The following CASP8 variants were observed in gnomAD, a reference collection of about 807,000 sequenced individuals.
The protein encoded by CASP8 is caspase 8.
A neutral mutation model predicts 46.3 loss-of-function variants in CASP8; 24 were observed. That is an observed-to-expected ratio of 0.52 (90% CI 0.38 to 0.73). The LOEUF is 0.73. Among genes scored for constraint, CASP8 ranks in the 30% least tolerant of loss-of-function variants. The probability of loss-of-function intolerance (pLI) is 0.00; values close to 1 mark genes in which losing one functional copy is unlikely to be tolerated. For synonymous variants in CASP8, 188 were observed against 200.4 expected (o/e 0.94, Z 0.52); for missense variants, 460 against 559.0 (o/e 0.82, Z 1.79).
chr2:201,283,698 C>T (rs1264840834), intron 7 of CASP8, among the ~76,000 whole-genome samples: 1 of 92,334 alleles, frequency 1.1e-5, no homozygotes, highest in Non-Finnish European at 2.7e-5. Flanking sequence ...CCACCCCCCC[C>T]CGCCTCCCTC....
Position 201,272,932 on chromosome 2 carries a change from A to AT in CASP8, c.589dup (p.Ser197PhefsTer21). 6.2e-7 allele frequency: 1 copy of AT among 1,613,926 alleles called. No homozygotes were observed. The highest frequency in any genetic ancestry group is 8.5e-7 in the Non-Finnish European group (1 of 1,179,850). The stretch of plus-strand genomic sequence containing the variant: ...GCAGCCTTGAAGGAAGTCCTGATGA[A>AT]TTTTCAAATGGTAATGCTTGGAGAT... On this transcript the variant is annotated frameshift_variant, in exon 5 of 9. Coordinates refer to ENST00000673742, the MANE Select transcript of CASP8 (RefSeq NM_001372051.1). LOFTEE classifies it high-confidence loss of function. This position sits in a 1 kb window ranked among gnomAD's most constrained non-coding sequence, Gnocchi z 4.4.
chr2:201,277,307 C>T (rs1948699056), intron 7 of CASP8, among the ~76,000 whole-genome samples: 1 of 152,118 alleles, frequency 6.6e-6, no homozygotes, highest in South Asian at 2.1e-4. Flanking sequence ...GCTGTGGTAT[C>T]AAAGTTCTTA....
At chr2:201,249,519 C>G (rs1311822442) in intron 2 of CASP8, among the ~76,000 whole-genome samples, 1 of 152,224 alleles carries the variant, frequency 6.6e-6, no homozygotes, top group Non-Finnish European at 1.5e-5. Context: ...ATCTGCGTAT[C>G]TTTTTGTGAG....
intron 2 of CASP8, among the ~76,000 whole-genome samples, chr2:201,235,811 A>G (rs569136854): frequency 6.6e-6 from 1 of 152,228 alleles, no homozygotes; most frequent in Non-Finnish European, 1.5e-5. Flanking sequence ...TCATAAGATT[A>G]TAATACGGTA....
At chr2:201,255,546 G>A (rs1255352393), upstream of CASP8, among the ~76,000 whole-genome samples, 1 of 152,142 alleles carries the variant, frequency 6.6e-6, no homozygotes, top group African/African-American at 2.4e-5. Flanking sequence ...TTTCTGCTAG[G>A]CTGGGCCTGG....
Position 201,274,847 on chromosome 2 carries a change from C to T in CASP8, c.596-42C>T, listed in dbSNP as rs369771634. 4.3e-5 allele frequency: 62 copies of T among 1,451,946 alleles called. No individual in the cohort carries two copies. The Middle Eastern group carries it at 1.4e-3, about 32-fold the overall frequency. 89.9% of individuals were successfully genotyped at this position (1,451,946 alleles called of 1,614,324 possible). On this transcript the variant is annotated intron_variant, in intron 5 of 8. Coordinates refer to ENST00000673742, the MANE Select transcript of CASP8 (RefSeq NM_001372051.1). ...ATATTTCATTACCAGTGTACCTTTC[C>T]TGCCATGTCTCATTCTAGATGTGTC...
intron 7 of CASP8, among the ~76,000 whole-genome samples, chr2:201,279,027 G>A (rs1948830149): frequency 6.6e-6 from 1 of 152,134 alleles, no homozygotes; most frequent in Non-Finnish European, 1.5e-5. Context: ...AACAGAGAAA[G>A]CTACAACCTC....
chr2:201,275,251 G>A (rs575215976), intron 6 of CASP8, among the ~76,000 whole-genome samples: 5 of 152,010 alleles, frequency 3.3e-5, no homozygotes, highest in Non-Finnish European at 7.4e-5. Flanking sequence ...TCTAGCAGCC[G>A]TGCCAGCCTG....
chr2:201,283,743 TCACTTCCCAGTAGGGGC>T (rs1174721232), intron 7 of CASP8, among the ~76,000 whole-genome samples: 45 of 65,812 alleles, frequency 6.8e-4, no homozygotes, highest in South Asian at 2.2e-3. Flanking sequence ...GAGGGGCTCC[TCACTTCCCAGTAGGGGC>T]GGCCGGGCAG....
intron 2 of CASP8, among the ~76,000 whole-genome samples, chr2:201,268,349 A>G (rs1393451182): frequency 6.6e-6 from 1 of 151,938 alleles, no homozygotes; most frequent in Non-Finnish European, 1.5e-5. Flanking sequence ...TCAGGAGTTC[A>G]AGACTAGCCT....
intron 2 of CASP8, chr2:201,269,586 G>A: frequency 6.2e-7 from 1 of 1,612,892 alleles, no homozygotes; most frequent in Middle Eastern, 1.7e-4. Flanking sequence ...CTGGCGGAGG[G>A]TCGATCATCT....
intron 2 of CASP8, among the ~76,000 whole-genome samples, chr2:201,253,413 A>G (rs1042354988): frequency 6.8e-5 from 10 of 146,486 alleles, no homozygotes; most frequent in Non-Finnish European, 1.3e-4. Flanking sequence ...CGTTTCTTCA[A>G]CGTCTTCCTG....
rs74869243 is a variant in CASP8 at position 201,275,196 on chromosome 2, G to C, written c.660+243G>C. Among the ~76,000 whole-genome samples the C allele has an allele frequency of 2.2e-4, 33 of 152,218 alleles. No homozygotes were observed. The East Asian group carries it at 6.0e-3, about 28-fold the overall frequency. On this transcript the variant is annotated intron_variant, in intron 6 of 8. Transcript: ENST00000673742. ...TTTAAGACCCGAGATGAAGATACTG[G>C]AATAGTTGGAGGGTGGAGGGGGTAA...
At chr2:201,251,778 G>A (rs1035604301) in intron 2 of CASP8, among the ~76,000 whole-genome samples, 9 of 151,218 alleles carry the variant, frequency 6.0e-5, no homozygotes, top group Non-Finnish European at 8.8e-5. Context: ...TGGTCATGCC[G>A]GTAATCCCAG....
At chr2:201,237,962 A>G (rs3769827) in intron 2 of CASP8, among the ~76,000 whole-genome samples, 62,511 of 152,052 alleles carry the variant, frequency 0.41, 13,381 homozygotes, top group Non-Finnish European at 0.48. Context: ...TTAGAGAACA[A>G]CCTCTTGGCA....
At chr2:201,255,855 A>G (rs1192131476), upstream of CASP8, among the ~76,000 whole-genome samples, 1 of 152,128 alleles carries the variant, frequency 6.6e-6, no homozygotes, top group Non-Finnish European at 1.5e-5. Flanking sequence ...CCCACACTCC[A>G]GTTATCCTCT....
In CASP8 at chr2:201,236,595, T is replaced by TTA. The variant is rs1385114496; in HGVS notation, c.-27+2484_-27+2485insAT. ...ACATGAAAATTCTATTAAAAAGTCT[T>TTA]TTTTTAGAGACAAGAGTTTGGCTCT... On this transcript the variant is annotated intron_variant, in intron 2 of 6. Coordinates refer to the CASP8 transcript ENST00000264274. 3.0e-4 allele frequency among the ~76,000 whole-genome samples: 45 copies of TTA among 152,306 alleles called. 2 individuals carry two copies. The highest frequency in any genetic ancestry group is 2.9e-3 in the Admixed American group (45 of 15,298).
chr2:201,275,829 G>C (rs547368285), intron 6 of CASP8, among the ~76,000 whole-genome samples: 101 of 152,198 alleles, frequency 6.6e-4, no homozygotes, highest in African/African-American at 2.4e-3. Flanking sequence ...TCCTGCCTTG[G>C]CCTCCCAAAG....
intron 6 of CASP8, 76 bp downstream of exon 6, chr2:201,275,029 T>G (rs2125294490): frequency 9.3e-7 from 1 of 1,078,078 alleles, no homozygotes. Flanking sequence ...TTTTTTTTTT[T>G]TGCTGCCAGA....
Sources: gnomAD v4.1 joint callset for allele counts (sites outside exome capture counted in the v4.1 genomes callset) on GRCh38, gnomAD v4.1.1 for gene constraint, Gnocchi (gnomAD v3.1) non-coding constraint, MANE v1.5 for transcripts, NCBI Gene and HGNC (gene_info 2026-07-23, HGNC 2026-07-21) for gene names.